Variants in COL8A1 observed in about 807,000 individuals in gnomAD.
COL8A1 encodes collagen type VIII alpha 1 chain.
Under a neutral mutation model 42.7 loss-of-function variants are expected in COL8A1, and 21 were observed. That is an observed-to-expected ratio of 0.49 (90% confidence interval 0.35 to 0.71). COL8A1 has a LOEUF of 0.71. Among genes scored for constraint, COL8A1 ranks in the 30% least tolerant of loss-of-function variants. The probability of loss-of-function intolerance (pLI) is 0.01; values close to 1 mark genes in which losing one functional copy is unlikely to be tolerated. For synonymous variants in COL8A1, 367 were observed against 369.1 expected, an observed-to-expected ratio of 0.99 and a Z score of 0.06; for missense variants, 788 against 962.4, an observed-to-expected ratio of 0.82 and a Z score of 2.40.
At chr3:99,644,221 C>T (rs1222352194) in intron 1 of COL8A1, among the ~76,000 whole-genome samples, 4 of 152,084 alleles carry the variant, frequency 2.6e-5, no homozygotes, top group African/African-American at 9.7e-5. Flanking sequence ...CTAATTGAAG[C>T]CTGGATGACA....
rs181109068 is a variant in COL8A1, at chr3:99,744,552, T to G, written c.-128-345T>G. ...TATTGTTTAAAAAGTTGACCCTTCT[T>G]AAGTAAAATTAACTTTTTTCCCTGA... On this transcript the variant is annotated intron_variant, in intron 1 of 3. Coordinates refer to ENST00000652472, the MANE Select transcript of COL8A1 (RefSeq NM_020351.4). Among the ~76,000 whole-genome samples, 1,119 of 152,332 alleles carry G rather than the reference T, an allele frequency of 7.3e-3. 5 individuals are homozygous for G. The highest frequency in any genetic ancestry group is 0.012 in the Non-Finnish European group (808 of 68,022).
Position 99,669,155 on chromosome 3 carries a change from A to AGG in COL8A1, c.-129+30492_-129+30493insGG, listed in dbSNP as rs1553720459. The stretch of plus-strand genomic sequence containing the variant: ...TATATATATATATATATAGAGGGAG[A>AGG]GAGAGAGAGAGAGAGAGAGAGAGAG... On this transcript the variant is annotated intron_variant, in intron 1 of 3. Transcript: ENST00000652472. 5.7e-3 allele frequency among the ~76,000 whole-genome samples: 793 copies of AGG among 139,782 alleles called. 22 individuals carry two copies. Among genetic ancestry groups the AGG allele is most frequent in the African/African-American group, 0.015 (547 of 37,108 alleles). The allele number at this position is 139,782 out of a possible 152,430, so 91.7% of individuals were successfully genotyped here. A position where few individuals can be genotyped will look rare whatever the true frequency, so the allele number is the denominator to read the frequency against.
Position 99,795,189 on chromosome 3 carries a change from G to T in COL8A1, c.1288G>T (p.Glu430Ter). 6.2e-7 allele frequency: 1 copy of T among 1,613,772 alleles called. No individual in the cohort carries two copies. Among genetic ancestry groups the T allele is most frequent in the Non-Finnish European group, 8.5e-7 (1 of 1,179,840 alleles). The change falls in exon 4 of 4, where the codon GAG becomes TAG. Residue 430 changes from glutamate (E) to a stop codon, truncating the protein, a stop_gained. Transcript: ENST00000652472. LOFTEE classifies it high-confidence loss of function. ...ACAGGGGCCACCAGGTCCCAAGGGTGAGCCAGGGCTTCAAGGCTTCCCAGG... is the reference window on the plus strand; with the variant it reads ...ACAGGGGCCACCAGGTCCCAAGGGTTAGCCAGGGCTTCAAGGCTTCCCAGG... ...GPQGPPGPKG[E>*]PGLQGFPGKP...
chr3:99,641,484 A>G (rs1559765414), intron 1 of COL8A1, among the ~76,000 whole-genome samples: 1 of 152,218 alleles, frequency 6.6e-6, no homozygotes. Flanking sequence ...TTTGCTAGTC[A>G]TAATTCTAAA....
intron 1 of COL8A1, among the ~76,000 whole-genome samples, chr3:99,733,298 C>A (rs564342474): frequency 2.0e-5 from 3 of 147,626 alleles, no homozygotes; most frequent in South Asian, 2.2e-4. Flanking sequence ...TCCCTCCCCC[C>A]TCCCCACACC....
At chr3:99,771,729 T>C (rs568747946) in intron 2 of COL8A1, among the ~76,000 whole-genome samples, 3 of 152,284 alleles carry the variant, frequency 2.0e-5, no homozygotes, top group African/African-American at 4.8e-5. Context: ...ACTGTGAAGA[T>C]GCTAATGGAC....
At chr3:99,757,008 GA>G (rs1941266570) in intron 2 of COL8A1, among the ~76,000 whole-genome samples, 1 of 152,108 alleles carries the variant, frequency 6.6e-6, no homozygotes, top group Non-Finnish European at 1.5e-5. Flanking sequence ...CATTTTTGTA[GA>G]TGAAGAAGAA....
chr3:99,741,289 T>C (rs1452021918), intron 1 of COL8A1, among the ~76,000 whole-genome samples: 1 of 152,172 alleles, frequency 6.6e-6, no homozygotes, highest in Non-Finnish European at 1.5e-5. Flanking sequence ...TTCTTGGTGA[T>C]TTGTAAGAGC....
chr3:99,722,606 G>T (rs940262540), intron 1 of COL8A1, among the ~76,000 whole-genome samples: 2 of 152,082 alleles, frequency 1.3e-5, no homozygotes, highest in African/African-American at 4.8e-5. Flanking sequence ...TTGGCCAAAG[G>T]AATACTTAGA....
chr3:99,646,928 T>G (rs1423832139), intron 1 of COL8A1, among the ~76,000 whole-genome samples: 1 of 152,226 alleles, frequency 6.6e-6, no homozygotes, highest in Non-Finnish European at 1.5e-5. Context: ...GAAAGATAAC[T>G]GTTTAATAAT....
At chr3:99,738,042 T>C (rs1018052572) in intron 1 of COL8A1, among the ~76,000 whole-genome samples, 17 of 152,330 alleles carry the variant, frequency 1.1e-4, no homozygotes, top group Non-Finnish European at 2.1e-4. Context: ...TCTGCATTCT[T>C]CATGTAGTTC....
intron 1 of COL8A1, among the ~76,000 whole-genome samples, chr3:99,717,466 G>A (rs1362656885): frequency 1.3e-5 from 2 of 151,998 alleles, no homozygotes; most frequent in African/African-American, 4.8e-5. Flanking sequence ...TGTTAGTTGA[G>A]TTTAGTCTGA....
At chr3:99,762,414 T>A (rs1487547753) in intron 2 of COL8A1, among the ~76,000 whole-genome samples, 1 of 152,202 alleles carries the variant, frequency 6.6e-6, no homozygotes, top group Non-Finnish European at 1.5e-5. Context: ...AAAATTATGT[T>A]CTATCCTTCT....
At chr3:99,733,836 C>T (rs946300826) in intron 1 of COL8A1, among the ~76,000 whole-genome samples, 1 of 152,002 alleles carries the variant, frequency 6.6e-6, no homozygotes, top group Non-Finnish European at 1.5e-5. Context: ...TTAATGATTG[C>T]CATTCTAACT....
chr3:99,707,157 A>T (rs1939702321), intron 1 of COL8A1: 1 of 152,216 alleles, frequency 6.6e-6, no homozygotes. Context: ...GAGTTGTGAA[A>T]CAGAGGCCAC....
chr3:99,707,010 A>G (rs1346382404), intron 1 of COL8A1: 1 of 152,226 alleles, frequency 6.6e-6, no homozygotes, highest in East Asian at 1.9e-4. Context: ...ACAATGATAC[A>G]AATAACATAG....
intron 2 of COL8A1, among the ~76,000 whole-genome samples, chr3:99,769,428 C>CTATTCAT (rs1941535358): frequency 6.6e-6 from 1 of 152,240 alleles, no homozygotes; most frequent in Non-Finnish European, 1.5e-5. Context: ...AGCCTGCCAA[C>CTATTCAT]TATTCATGTG....
chr3:99,677,157 TAA>T (rs1938723973), intron 1 of COL8A1, among the ~76,000 whole-genome samples: 1 of 151,772 alleles, frequency 6.6e-6, no homozygotes, highest in African/African-American at 2.4e-5. Flanking sequence ...TATATATATA[TAA>T]GCACATCAAT....
chr3:99,740,448 A>C (rs1940867154), intron 1 of COL8A1, among the ~76,000 whole-genome samples: 1 of 152,212 alleles, frequency 6.6e-6, no homozygotes, highest in African/African-American at 2.4e-5. Context: ...GAGGCCTCAT[A>C]AAACTTACCA....
Sources: gnomAD v4.1 joint callset for allele counts (sites outside exome capture counted in the v4.1 genomes callset) on GRCh38, gnomAD v4.1.1 for gene constraint, MANE v1.5 for transcripts, NCBI Gene and HGNC (gene_info 2026-07-23, HGNC 2026-07-21) for gene names.